The following RP1 variants were observed in gnomAD, a reference collection of about 807,000 sequenced individuals.
RP1 encodes oxygen-regulated protein 1.
Under a neutral mutation model 14.8 loss-of-function variants are expected in RP1, and 16 were observed. The observed-to-expected ratio is 1.08, with a 90% CI of 0.73 to 1.65. The LOEUF (loss-of-function observed/expected upper bound fraction) is 1.65. Ranked by LOEUF, RP1 falls within the 40% of genes most tolerant of loss-of-function variation. The pLI is 0.00. For synonymous variants in RP1, 876 were observed against 883.6 expected, an observed-to-expected ratio of 0.99 and a Z score of 0.15; for missense variants, 2,631 against 2,535.0, an observed-to-expected ratio of 1.04 and a Z score of -0.81.
chr8:54,622,381 C>T, intron 3 of RP1, 93 bp downstream of exon 3: 1 of 1,040,722 alleles, frequency 9.6e-7, no homozygotes, highest in African/African-American at 1.6e-5. Flanking sequence ...TGACCAGTTT[C>T]TTCCACCACA....
chr8:54,715,319 T>C (rs1808376951), intron 15 of RP1, among the ~76,000 whole-genome samples: 1 of 152,244 alleles, frequency 6.6e-6, no homozygotes, highest in South Asian at 2.1e-4. Context: ...ACTCATGTTT[T>C]ATTTCCCATC....
chr8:54,611,319 C>T (rs1237041610), upstream of RP1, among the ~76,000 whole-genome samples: 1 of 152,152 alleles, frequency 6.6e-6, no homozygotes, highest in African/African-American at 2.4e-5. Flanking sequence ...CTGGAACTCC[C>T]ATAATGTGTA....
chr8:54,803,151 A>G (rs1207960738), intron 24 of RP1, among the ~76,000 whole-genome samples: 1 of 152,164 alleles, frequency 6.6e-6, no homozygotes, highest in Non-Finnish European at 1.5e-5. Flanking sequence ...CTAAAATCTC[A>G]TTAAAAACTT....
intron 19 of RP1, among the ~76,000 whole-genome samples, chr8:54,752,350 G>A (rs1293128803): frequency 2.0e-5 from 3 of 152,306 alleles, no homozygotes; most frequent in African/African-American, 7.2e-5. Context: ...AGCAGTCGTA[G>A]TTATGGTGAG....
chr8:54,707,327 T>C (rs903991295), intron 15 of RP1, among the ~76,000 whole-genome samples: 1 of 152,234 alleles, frequency 6.6e-6, no homozygotes, highest in South Asian at 2.1e-4. Context: ...TCTCGCCATG[T>C]TGCCCAGGCT....
chr8:54,646,053 G>A (rs1052923842), intron 3 of RP1, among the ~76,000 whole-genome samples: 3 of 152,000 alleles, frequency 2.0e-5, no homozygotes, highest in African/African-American at 4.8e-5. Context: ...TCGAGGCCTA[G>A]TGGTATATGT....
At chr8:54,683,241 T>C (rs916575096) in intron 12 of RP1, among the ~76,000 whole-genome samples, 4 of 152,218 alleles carry the variant, frequency 2.6e-5, no homozygotes, top group African/African-American at 9.6e-5. Flanking sequence ...GCATGATGAC[T>C]CCAGCTTTGT....
chr8:54,683,523 C>T (rs1807483329), intron 12 of RP1, among the ~76,000 whole-genome samples: 3 of 152,064 alleles, frequency 2.0e-5, no homozygotes, highest in Admixed American at 2.0e-4. Flanking sequence ...CTTCACTTTC[C>T]TTGTTAGCTG....
intron 17 of RP1, among the ~76,000 whole-genome samples, chr8:54,727,337 T>C (rs1051999023): frequency 5.9e-5 from 9 of 152,078 alleles, no homozygotes; most frequent in African/African-American, 1.9e-4. Flanking sequence ...ATGAGAAATA[T>C]GTGCTTAGTT....
At chr8:54,784,074 C>T (rs1409717182) in intron 24 of RP1, among the ~76,000 whole-genome samples, 3 of 152,116 alleles carry the variant, frequency 2.0e-5, no homozygotes, top group Non-Finnish European at 4.4e-5. Context: ...CACAAGCACA[C>T]TAACACATAT....
At chr8:54,696,600 G>A (rs891438873) in intron 12 of RP1, 34 of 745,120 alleles carry the variant, frequency 4.6e-5, no homozygotes, top group African/African-American at 1.1e-4. Flanking sequence ...GACAAAGTAC[G>A]TCTCAGATGA....
intron 1 of RP1, among the ~76,000 whole-genome samples, chr8:54,608,370 G>T (rs892748818): frequency 6.6e-6 from 1 of 152,038 alleles, no homozygotes; most frequent in Non-Finnish European, 1.5e-5. Context: ...AAACTAGATG[G>T]TCATGACGGT....
intron 16 of RP1, among the ~76,000 whole-genome samples, chr8:54,723,502 T>C (rs1224839915): frequency 1.3e-5 from 2 of 152,218 alleles, no homozygotes; most frequent in Non-Finnish European, 2.9e-5. Flanking sequence ...TCTTGCTAGC[T>C]TGTGCAGTAA....
chr8:54,581,616 C>T (rs1804793214), intron 1 of RP1, among the ~76,000 whole-genome samples: 2 of 152,130 alleles, frequency 1.3e-5, no homozygotes, highest in African/African-American at 4.8e-5. Context: ...GTTTACAGTC[C>T]CAGTAACAGT....
chr8:54,781,694 G>C (rs1466644327), intron 23 of RP1, among the ~76,000 whole-genome samples: 2 of 152,110 alleles, frequency 1.3e-5, no homozygotes, highest in Non-Finnish European at 1.5e-5. Context: ...AACATTCTTA[G>C]AGAAGTTAAG....
chr8:54,569,951 G>C (rs893318353), intron 1 of RP1, among the ~76,000 whole-genome samples: 1 of 152,130 alleles, frequency 6.6e-6, no homozygotes, highest in Non-Finnish European at 1.5e-5. Flanking sequence ...AGGACGAGTG[G>C]GAGTATGGAG....
chr8:54,764,591 T>C (rs1809718369), intron 22 of RP1, among the ~76,000 whole-genome samples: 1 of 152,242 alleles, frequency 6.6e-6, no homozygotes, highest in Non-Finnish European at 1.5e-5. Context: ...TCTAGTTCAG[T>C]ACACTTTTCC....
chr8:54,797,593 T>G (rs934055717), intron 24 of RP1, among the ~76,000 whole-genome samples: 7 of 151,786 alleles, frequency 4.6e-5, no homozygotes, highest in African/African-American at 1.7e-4. Context: ...GTCCACTGCA[T>G]GTGTTAGGAA....
chr8:54,680,106 A>G (rs751985053), intron 12 of RP1, among the ~76,000 whole-genome samples: 17 of 152,194 alleles, frequency 1.1e-4, no homozygotes, highest in Admixed American at 5.9e-4. Context: ...TAAATAGATG[A>G]CAGGCTTTAA....
Sources: allele counts gnomAD v4.1 joint callset (sites outside exome capture counted in the v4.1 genomes callset), GRCh38; gene constraint gnomAD v4.1.1; transcripts MANE v1.5; gene names NCBI Gene and HGNC (gene_info 2026-07-23, HGNC 2026-07-21).